Variants in GSE1 observed in about 807,000 individuals in gnomAD.
GSE1 encodes the protein Gse1 coiled-coil protein.
Under a neutral mutation model 112.6 loss-of-function variants are expected in GSE1, and 32 were observed. That is an observed-to-expected ratio of 0.28 (90% CI 0.21 to 0.38). The LOEUF (loss-of-function observed/expected upper bound fraction) is 0.38, where lower values mean the gene tolerates loss of function less well. GSE1 is among the 10% of genes least tolerant of loss of function. The pLI, the probability that GSE1 is intolerant of heterozygous loss-of-function variation, is 1.00. For missense variants in GSE1, 2,348 were observed against 1,699.2 expected (o/e 1.38, Z -6.71); for synonymous variants, 1,115 against 735.6 (o/e 1.52, Z -8.35).
chr16:85,351,630 C>G (rs762243695), intron 1 of GSE1, among the ~76,000 whole-genome samples: 1 of 152,152 alleles, frequency 6.6e-6, no homozygotes, highest in Non-Finnish European at 1.5e-5. Context: ...TTAAAGCCAT[C>G]AAACGATACA....
At chr16:85,641,230 T>TG (rs1296487441) in intron 2 of GSE1, among the ~76,000 whole-genome samples, 1 of 152,264 alleles carries the variant, frequency 6.6e-6, no homozygotes, top group Non-Finnish European at 1.5e-5. Flanking sequence ...TCAGCTCCTT[T>TG]GGTCCCACGC....
chr16:85,224,256 GGA>G (rs201262215), intron 1 of GSE1, among the ~76,000 whole-genome samples: 2 of 138,904 alleles, frequency 1.4e-5, no homozygotes, highest in Non-Finnish European at 1.5e-5. Flanking sequence ...CGAGGGAGGA[GGA>G]GGGTTTCATA....
chr16:85,362,749 G>A (rs1200240023), intron 2 of GSE1, among the ~76,000 whole-genome samples: 3 of 152,070 alleles, frequency 2.0e-5, no homozygotes, highest in African/African-American at 7.2e-5. Context: ...TGGCACATCA[G>A]TGGTGGCCCT....
At chr16:85,284,775 C>T (rs945321496) in intron 1 of GSE1, among the ~76,000 whole-genome samples, 1 of 152,182 alleles carries the variant, frequency 6.6e-6, no homozygotes, top group African/African-American at 2.4e-5. Flanking sequence ...CTGGCACACA[C>T]AGCTCACCTT....
chr16:85,497,545 T>C (rs2051221859), intron 2 of GSE1, among the ~76,000 whole-genome samples: 2 of 152,202 alleles, frequency 1.3e-5, no homozygotes, highest in South Asian at 4.1e-4. Flanking sequence ...TTATTCTTTC[T>C]AATGGGAACC....
At chr16:85,325,488 G>C (rs1369372827) in intron 1 of GSE1, among the ~76,000 whole-genome samples, 1 of 150,974 alleles carries the variant, frequency 6.6e-6, no homozygotes, top group Non-Finnish European at 1.5e-5. Flanking sequence ...TTTCACTTTT[G>C]TTGCCCAGGC....
chr16:85,298,530 C>G (rs2045430141), intron 1 of GSE1, among the ~76,000 whole-genome samples: 1 of 152,182 alleles, frequency 6.6e-6, no homozygotes, highest in African/African-American at 2.4e-5. Context: ...TGGGTTCAAG[C>G]AATTCTCCTG....
rs1339898264 is a variant in GSE1 at position 85,408,753 on chromosome 16, CT to C, written c.2464+51111del. Among the ~76,000 whole-genome samples, 40 of 63,746 alleles carry C rather than the reference CT, an allele frequency of 6.3e-4. 1 individual carries two copies. The highest frequency in any genetic ancestry group is 2.9e-3 in the Admixed American group (22 of 7,650). 41.8% of individuals were successfully genotyped at this position (63,746 alleles called of 152,430 possible). On this transcript the variant is annotated intron_variant, in intron 2 of 2. Transcript: ENST00000637419. ...TCCTCACTGTCACTCTCAGGCCCCC[CT>C]GGATAATCCTCACTGTTGCACTCAG... is the stretch of plus-strand genomic sequence containing the variant.
chr16:85,224,301 C>CAAAAAAAAAAAAA (rs55755242), intron 1 of GSE1, among the ~76,000 whole-genome samples: 24 of 38,802 alleles, frequency 6.2e-4, no homozygotes, highest in African/African-American at 1.1e-3. Flanking sequence ...ACTAAAAATA[C>CAAAAAAAAAAAAA]AAAAAAAAAA....
intron 2 of GSE1, among the ~76,000 whole-genome samples, chr16:85,449,821 C>G (rs1011380921): frequency 3.9e-5 from 6 of 152,216 alleles, no homozygotes; most frequent in African/African-American, 1.4e-4. Flanking sequence ...ATTTGAAGAT[C>G]CACCTTGCAA....
chr16:85,489,655 C>T (rs546545368), intron 2 of GSE1, among the ~76,000 whole-genome samples: 7 of 150,954 alleles, frequency 4.6e-5, no homozygotes, highest in African/African-American at 9.7e-5. Context: ...ATGGGCTCTT[C>T]CCAGCTGAAC....
rs527693070 is a variant in GSE1, at chr16:85,572,117, C to T, written c.37+15754C>T. On this transcript the variant is annotated intron_variant, in intron 1 of 2. Transcript: ENST00000635906. ...CATACCACACACACACCACACACAA[C>T]GCACACACACACACCACATACCACA... Among the ~76,000 whole-genome samples the T allele has an allele frequency of 1.4e-3, 205 of 148,038 alleles. 1 individual carries two copies. Among genetic ancestry groups the T allele is most frequent in the African/African-American group, 4.8e-3 (193 of 40,142 alleles).
At chr16:85,359,489 C>T in intron 2 of GSE1, 1 of 449,544 alleles carries the variant, frequency 2.2e-6, no homozygotes, top group East Asian at 7.0e-5. Context: ...AATGAGTCAT[C>T]CTGAGCCTCT....
intron 1 of GSE1, among the ~76,000 whole-genome samples, chr16:85,325,391 C>G (rs1002242881): frequency 6.6e-6 from 1 of 151,954 alleles, no homozygotes; most frequent in Non-Finnish European, 1.5e-5. Context: ...GTGTCACGAT[C>G]ATGGTTTTCA....
At chr16:85,648,059 C>G (rs1043093617) in intron 2 of GSE1, among the ~76,000 whole-genome samples, 1 of 152,008 alleles carries the variant, frequency 6.6e-6, no homozygotes, top group African/African-American at 2.4e-5. Flanking sequence ...AGCTGCCTCT[C>G]GGTGGGGCAG....
intron 2 of GSE1, among the ~76,000 whole-genome samples, chr16:85,526,358 G>A (rs2052364978): frequency 6.6e-6 from 1 of 152,226 alleles, no homozygotes; most frequent in Admixed American, 6.5e-5. Context: ...ACTGGCCCCC[G>A]ACCCTCAGGA....
chr16:85,476,283 G>C (rs752292264), intron 2 of GSE1, among the ~76,000 whole-genome samples: 4 of 152,178 alleles, frequency 2.6e-5, no homozygotes, highest in Non-Finnish European at 5.9e-5. Context: ...CCGGAGACCT[G>C]GGATGGCGCT....
chr16:85,575,016 C>G (rs1041485838), intron 1 of GSE1, among the ~76,000 whole-genome samples: 1 of 152,232 alleles, frequency 6.6e-6, no homozygotes, highest in Non-Finnish European at 1.5e-5. Context: ...AGGTTAATCC[C>G]CTCGCTGGGG....
intron 2 of GSE1, among the ~76,000 whole-genome samples, chr16:85,367,140 T>C (rs139590315): frequency 6.6e-6 from 1 of 152,344 alleles, no homozygotes; most frequent in East Asian, 1.9e-4. Flanking sequence ...CCTCGGCTGG[T>C]CCGTTTGGCA....
Sources: allele counts gnomAD v4.1 joint callset (sites outside exome capture counted in the v4.1 genomes callset), GRCh38; gene constraint gnomAD v4.1.1; transcripts MANE v1.5; gene names NCBI Gene and HGNC (gene_info 2026-07-23, HGNC 2026-07-21).